Variants in CCDC66 observed in about 807,000 individuals in gnomAD.
CCDC66 encodes the protein coiled-coil domain-containing protein 66.
In CCDC66, 133 loss-of-function variants were observed where a neutral mutation model predicts 128.3. The observed-to-expected ratio is 1.04, with a 90% CI of 0.90 to 1.20. The LOEUF (loss-of-function observed/expected upper bound fraction) is 1.20. CCDC66 is among the 50% of genes most tolerant of loss of function. The pLI, the probability that CCDC66 is intolerant of heterozygous loss-of-function variation, is 0.00. For missense variants in CCDC66, 1,126 were observed against 1,075.5 expected, an observed-to-expected ratio of 1.05 and a Z score of -0.66; for synonymous variants, 387 against 357.0, an observed-to-expected ratio of 1.08 and a Z score of -0.95.
At position 56,618,124 on chromosome 3, in the gene CCDC66, G is replaced by T. The variant is rs371163625; in HGVS notation, c.2338-48G>T. On this transcript the variant is annotated intron_variant, in intron 14 of 17. Coordinates refer to ENST00000394672, the MANE Select transcript of CCDC66 (RefSeq NM_001141947.3). ...GCCCTAAAAATATTTGTGGGGACATGTGAAGATGCTATATATTCCTTTCTG... is the reference window on the plus strand; with the variant it reads ...GCCCTAAAAATATTTGTGGGGACATTTGAAGATGCTATATATTCCTTTCTG... 4 of 1,415,134 alleles carry T rather than the reference G, an allele frequency of 2.8e-6. No individual in the cohort carries two copies. The Admixed American group carries it at 6.9e-5, about 24-fold the overall frequency. The allele number at this position is 1,415,134 out of a possible 1,614,324, so 87.7% of individuals were successfully genotyped here.
intron 7 of CCDC66, among the ~76,000 whole-genome samples, chr3:56,580,549 G>A (rs1477587674): frequency 2.0e-5 from 3 of 151,836 alleles, no homozygotes; most frequent in Middle Eastern, 3.4e-3. Flanking sequence ...GGCTGGTACC[G>A]GTTGTTCCTT....
intron 7 of CCDC66, among the ~76,000 whole-genome samples, chr3:56,573,156 G>C (rs1349304824): frequency 6.6e-6 from 1 of 152,062 alleles, no homozygotes; most frequent in Non-Finnish European, 1.5e-5. Flanking sequence ...AATTTGCATG[G>C]CTTTTTAGGT....
chr3:56,617,432 C>T lies in CCDC66; in HGVS notation c.2164C>T (p.Gln722Ter). 2 of 1,613,976 alleles carry T rather than the reference C, an allele frequency of 1.2e-6. No homozygotes were observed. The highest frequency in any genetic ancestry group is 1.7e-4 in the Middle Eastern group (1 of 6,060). The change falls in exon 14 of 18, where the codon CAG becomes TAG. Residue 722 changes from glutamine (Q) to a stop codon, truncating the protein, a stop_gained. Coordinates refer to ENST00000394672, the MANE Select transcript of CCDC66 (RefSeq NM_001141947.3). LOFTEE classifies it high-confidence loss of function. ...TCCAGCATCAGAAAAGTACCCTAAA[C>T]AGCTTCAAAAGCAGAGAGAAGAAAA... The part of the protein sequence containing the change: ...YIPASEKYPK[Q>*]LQKQREEKKV...
intron 1 of CCDC66, chr3:56,557,960 A>G (rs2064571183): frequency 6.6e-6 from 1 of 152,176 alleles, no homozygotes; most frequent in African/African-American, 2.4e-5. Context: ...CATTGAAGGT[A>G]CTTTACCATT....
chr3:56,567,103 G>A (rs760816619), intron 6 of CCDC66, 50 bp downstream of exon 6: 224 of 1,435,426 alleles, frequency 1.6e-4, no homozygotes, highest in Non-Finnish European at 2.1e-4. Context: ...TAAAGAATAT[G>A]TATTGAAGCC....
At position 56,619,194 on chromosome 3, in the gene CCDC66, A is replaced by G. The variant is rs9850003; in HGVS notation, c.2379-77A>G. 1.4e-3 allele frequency: 1,729 copies of G among 1,215,458 alleles called. 29 individuals carry two copies. The African/African-American group carries it at 0.022, about 15-fold the overall frequency. 75.3% of individuals were successfully genotyped at this position (1,215,458 alleles called of 1,614,324 possible). A position where few individuals can be genotyped will look rare whatever the true frequency, so the allele number is the denominator to read the frequency against. ...GGGCAACAGAGCGAGACTTCATCTC[A>G]TAAATAAAGTGAAATGTGATTAAAG... is the stretch of plus-strand genomic sequence containing the variant. On this transcript the variant is annotated intron_variant, in intron 15 of 17. Transcript: ENST00000394672.
At chr3:56,610,939 C>T (rs765615847) in intron 10 of CCDC66, among the ~76,000 whole-genome samples, 1 of 152,090 alleles carries the variant, frequency 6.6e-6, no homozygotes, top group Non-Finnish European at 1.5e-5. Context: ...CTCTCTCAGC[C>T]GTGGATACCA....
chr3:56,587,525 C>CTA (rs2070011138), intron 7 of CCDC66, among the ~76,000 whole-genome samples: 1 of 149,378 alleles, frequency 6.7e-6, no homozygotes, highest in Non-Finnish European at 1.5e-5. Flanking sequence ...GGGCTACACA[C>CTA]TTTTAAACGA....
intron 4 of CCDC66, 103 bp downstream of exon 4, chr3:56,564,228 T>A: frequency 1.3e-6 from 1 of 794,978 alleles, no homozygotes; most frequent in African/African-American, 1.7e-5. Flanking sequence ...TAAACTCTAA[T>A]TTAACCTGTC....
chr3:56,557,319 G>A, intron 1 of CCDC66, 66 bp downstream of exon 1: 1 of 1,539,274 alleles, frequency 6.5e-7, no homozygotes, highest in South Asian at 1.2e-5. Flanking sequence ...AGGGAGGCAT[G>A]TGTGTCTGGG....
intron 10 of CCDC66, among the ~76,000 whole-genome samples, chr3:56,612,641 G>A (rs548855614): frequency 6.6e-6 from 1 of 152,324 alleles, no homozygotes; most frequent in South Asian, 2.1e-4. Context: ...GCCAGTGGTG[G>A]TGTTGGCGGT....
intron 7 of CCDC66, among the ~76,000 whole-genome samples, chr3:56,587,209 A>G (rs2069935035): frequency 6.6e-6 from 1 of 151,962 alleles, no homozygotes; most frequent in Non-Finnish European, 1.5e-5. Context: ...TGAAATATTC[A>G]AAGTAAAAAG....
At position 56,559,550 on chromosome 3, in the gene CCDC66, T is replaced by A; in HGVS notation, c.77-19T>A. 6 of 1,507,928 alleles carry A rather than the reference T, an allele frequency of 4.0e-6. No homozygotes were observed. The highest frequency in any genetic ancestry group is 5.4e-6 in the Non-Finnish European group (6 of 1,115,978). 93.4% of individuals were successfully genotyped at this position (1,507,928 alleles called of 1,614,324 possible). A position where few individuals can be genotyped will look rare whatever the true frequency, so the allele number is the denominator to read the frequency against. On this transcript the variant is annotated intron_variant, in intron 2 of 17. Transcript: ENST00000394672. ...ATGCTTTTGGTGGATAGTTTAGTAA[T>A]TTCTTTTTTCTTTTGTAGAACATAA...
chr3:56,572,218 A>G, intron 7 of CCDC66: 1 of 463,498 alleles, frequency 2.2e-6, no homozygotes. Context: ...TATCAAATAT[A>G]CACATATGCC....
chr3:56,582,302 T>G (rs1456469064), intron 7 of CCDC66, among the ~76,000 whole-genome samples: 9 of 151,830 alleles, frequency 5.9e-5, no homozygotes, highest in Admixed American at 5.3e-4. Context: ...ATTTTCCAGG[T>G]ACCGTCTGTC....
At chr3:56,599,846 T>A (rs9862490) in intron 10 of CCDC66, among the ~76,000 whole-genome samples, 1 of 151,900 alleles carries the variant, frequency 6.6e-6, no homozygotes, top group African/African-American at 2.4e-5. Context: ...GAAAAGAATG[T>A]GTATTCTCTT....
intron 11 of CCDC66, among the ~76,000 whole-genome samples, chr3:56,614,743 T>C (rs2075284206): frequency 6.6e-6 from 1 of 152,190 alleles, no homozygotes; most frequent in African/African-American, 2.4e-5. Flanking sequence ...TTTCATTGAG[T>C]TGATAGGCTG....
intron 7 of CCDC66, among the ~76,000 whole-genome samples, chr3:56,580,160 G>A (rs2068083588): frequency 1.3e-5 from 2 of 151,824 alleles, no homozygotes; most frequent in African/African-American, 4.8e-5. Context: ...TTACCAGTAT[G>A]TAATGGCCTT....
chr3:56,588,753 T>C (rs887711296), intron 7 of CCDC66, among the ~76,000 whole-genome samples: 1 of 152,140 alleles, frequency 6.6e-6, no homozygotes, highest in African/African-American at 2.4e-5. Context: ...AACTAGAAAA[T>C]TCCCAAATGT....
Sources: gnomAD v4.1 joint callset for allele counts (sites outside exome capture counted in the v4.1 genomes callset) on GRCh38, gnomAD v4.1.1 for gene constraint, MANE v1.5 for transcripts, NCBI Gene and HGNC (gene_info 2026-07-23, HGNC 2026-07-21) for gene names.